TRAPPC9: variants seen among roughly 807,000 people sequenced by gnomAD.
TRAPPC9 encodes trafficking protein particle complex subunit 9.
In TRAPPC9, 83 loss-of-function variants were observed where a neutral mutation model predicts 124.0. That is an observed-to-expected ratio of 0.67 (90% CI 0.56 to 0.80). The LOEUF is 0.80. TRAPPC9 is among the 30% of genes least tolerant of loss of function. The pLI is 0.00. For missense variants in TRAPPC9, 1,302 were observed against 1,508.3 expected (o/e 0.86, Z 2.27); for synonymous variants, 638 against 617.5 (o/e 1.03, Z -0.49).
chr8:139,994,232 C>T (rs533809845), intron 18 of TRAPPC9, among the ~76,000 whole-genome samples: 1 of 152,216 alleles, frequency 6.6e-6, no homozygotes, highest in Non-Finnish European at 1.5e-5. Flanking sequence ...TGCCAGAGGG[C>T]ATGTTGCTGT....
In TRAPPC9 at chr8:140,087,256, C is replaced by A. The variant is rs1310614066; in HGVS notation, c.2557-63177G>T. Among the ~76,000 whole-genome samples, 1 of 152,166 alleles carries A rather than the reference C, an allele frequency of 6.6e-6. No homozygotes were observed. The highest frequency in any genetic ancestry group is 6.5e-5 in the Admixed American group (1 of 15,280). On this transcript the variant is annotated intron_variant, in intron 17 of 22. Transcript: ENST00000438773. This position sits in a 1 kb window ranked among gnomAD's most constrained non-coding sequence, Gnocchi z 4.6. The stretch of plus-strand genomic sequence containing the variant: ...TCCTCCTCTGTCTCCCGTGCCCTCC[C>A]CCCGGCCCCATCACCCTGCAGATGT...
intron 16 of TRAPPC9, among the ~76,000 whole-genome samples, chr8:140,244,112 G>A (rs993751354): frequency 4.6e-5 from 7 of 152,186 alleles, no homozygotes; most frequent in East Asian, 1.9e-4. Flanking sequence ...ACCATGGTCC[G>A]CAGAAAAACT....
At chr8:140,147,855 A>C (rs952758204) in intron 17 of TRAPPC9, among the ~76,000 whole-genome samples, 2 of 152,280 alleles carry the variant, frequency 1.3e-5, no homozygotes, top group African/African-American at 2.4e-5. Flanking sequence ...CAGGACAAGC[A>C]CATGGAGCCT....
chr8:140,414,569 A>G lies in TRAPPC9; in HGVS notation c.887-8871T>C, dbSNP rs2069833808. ...AATAAATAAACAAATAAATAACTGA[A>G]ATCATTTAAATGTGTTCTCCAACCA... On this transcript the variant is annotated intron_variant, in intron 5 of 22. Transcript: ENST00000438773. Among the ~76,000 whole-genome samples the G allele has an allele frequency of 2.0e-5, 3 of 152,036 alleles. No homozygotes were observed. In the South Asian group the frequency reaches 6.2e-4, roughly 32 times the overall value.
intron 16 of TRAPPC9, among the ~76,000 whole-genome samples, chr8:140,223,121 G>T (rs991348816): frequency 6.6e-6 from 1 of 152,040 alleles, no homozygotes. Context: ...CATCACCCAC[G>T]TATTAAACCC....
At chr8:140,269,197 G>C (rs776584187) in intron 15 of TRAPPC9, among the ~76,000 whole-genome samples, 1 of 151,872 alleles carries the variant, frequency 6.6e-6, no homozygotes, top group Non-Finnish European at 1.5e-5. Context: ...AGCATTTAGG[G>C]GTAAAATATA....
chr8:140,359,790 G>T (rs1588213081), intron 9 of TRAPPC9, among the ~76,000 whole-genome samples: 1 of 152,212 alleles, frequency 6.6e-6, no homozygotes, highest in South Asian at 2.1e-4. Context: ...CTGAGAGGTG[G>T]AGGGAAAAGC....
intron 17 of TRAPPC9, among the ~76,000 whole-genome samples, chr8:140,123,900 C>T (rs1203197400): frequency 1.3e-5 from 2 of 152,172 alleles, no homozygotes; most frequent in South Asian, 4.1e-4. Context: ...GCTGTGGTAA[C>T]AAGCAGCCTC....
At chr8:139,988,917 C>T (rs1426230051) in intron 18 of TRAPPC9, 81 bp from the exon 19 acceptor site, 1 of 949,700 alleles carries the variant, frequency 1.1e-6, no homozygotes, top group African/African-American at 1.6e-5. Context: ...TCTCCAAAGA[C>T]TTCCCACCAC....
chr8:140,372,480 C>A, intron 7 of TRAPPC9, among the ~76,000 whole-genome samples: 1 of 152,188 alleles, frequency 6.6e-6, no homozygotes, highest in East Asian at 1.9e-4. Context: ...GACCTTCCTT[C>A]ACCTGTCCAC....
intron 21 of TRAPPC9, among the ~76,000 whole-genome samples, chr8:139,861,746 C>A (rs1056142813): frequency 6.6e-6 from 1 of 152,078 alleles, no homozygotes; most frequent in East Asian, 1.9e-4. Context: ...TTTGAACAGA[C>A]CCCCTGAGTC....
chr8:139,835,341 T>C (rs1229459153), intron 21 of TRAPPC9, among the ~76,000 whole-genome samples: 2 of 152,254 alleles, frequency 1.3e-5, no homozygotes, highest in Admixed American at 1.3e-4. Context: ...CTGAAGTCAC[T>C]GAGCCAAGGA....
intron 21 of TRAPPC9, among the ~76,000 whole-genome samples, chr8:139,781,137 T>A (rs1405935204): frequency 6.6e-6 from 1 of 152,166 alleles, no homozygotes; most frequent in Non-Finnish European, 1.5e-5. Context: ...CTTACTAGTA[T>A]AATCTAGCAG....
chr8:139,735,096 C>T (rs889435292), intron 21 of TRAPPC9, among the ~76,000 whole-genome samples: 22 of 152,302 alleles, frequency 1.4e-4, no homozygotes, highest in South Asian at 4.1e-4. Context: ...AGCATCAAGA[C>T]GGGCTCTTTG....
intron 17 of TRAPPC9, among the ~76,000 whole-genome samples, chr8:140,164,477 G>T (rs910391458): frequency 1.6e-4 from 25 of 152,184 alleles, no homozygotes; most frequent in Non-Finnish European, 3.5e-4. Context: ...GCTCTTCTGT[G>T]AACAGCTCTG....
chr8:140,245,422 C>A (rs2063958318), intron 16 of TRAPPC9, among the ~76,000 whole-genome samples: 1 of 152,070 alleles, frequency 6.6e-6, no homozygotes, highest in Admixed American at 6.5e-5. Flanking sequence ...TCATTTAACT[C>A]TCTCTTAAAC....
chr8:140,399,204 G>A (rs2069181280), intron 6 of TRAPPC9, among the ~76,000 whole-genome samples: 1 of 152,248 alleles, frequency 6.6e-6, no homozygotes, highest in Non-Finnish European at 1.5e-5. Flanking sequence ...CTCTCATGGA[G>A]AACCTCTGCT....
chr8:140,244,248 C>A (rs974234054), intron 16 of TRAPPC9, among the ~76,000 whole-genome samples: 7 of 152,202 alleles, frequency 4.6e-5, no homozygotes, highest in African/African-American at 1.7e-4. Flanking sequence ...CTGTGTGAGG[C>A]CTTAGACAAA....
chr8:140,192,362 T>A (rs1046292085), intron 17 of TRAPPC9, among the ~76,000 whole-genome samples: 2 of 152,218 alleles, frequency 1.3e-5, no homozygotes, highest in African/African-American at 2.4e-5. Flanking sequence ...CATGGCATGA[T>A]CACCTCAACG....
Sources: allele counts gnomAD v4.1 joint callset (sites outside exome capture counted in the v4.1 genomes callset), GRCh38; gene constraint gnomAD v4.1.1; non-coding constraint Gnocchi (gnomAD v3.1); transcripts MANE v1.5; gene names NCBI Gene and HGNC (gene_info 2026-07-23, HGNC 2026-07-21).